The following BRCA1 variants were observed in gnomAD, a reference collection of about 807,000 sequenced individuals.
BRCA1 encodes breast cancer type 1 susceptibility protein.
In BRCA1, 140 loss-of-function variants were observed where a neutral mutation model predicts 173.7. The ratio of observed to expected loss-of-function variants is 0.81; its 90% CI spans 0.70 to 0.93. The LOEUF (loss-of-function observed/expected upper bound fraction) is 0.93. Ranked by LOEUF, BRCA1 falls within the 40% of genes least tolerant of loss-of-function variation. The pLI is 0.00. For synonymous variants in BRCA1, 662 were observed against 756.0 expected (o/e 0.88, Z 2.04); for missense variants, 1,983 against 2,172.5 (o/e 0.91, Z 1.73).
In BRCA1 at chr17:43,052,809, ACACACACACACACACT is replaced by A. The variant is rs774753108; in HGVS notation, c.5278-1708_5278-1693del. ...CACACACACACACACACACACACACACACACACACACACACTCTCTTACTTTACCGCCAGAGTGAAA... is the reference window on the plus strand; with the variant it reads ...CACACACACACACACACACACACACACTCTTACTTTACCGCCAGAGTGAAA... On this transcript the variant is annotated intron_variant, in intron 19 of 22. Coordinates refer to ENST00000357654, the MANE Select transcript of BRCA1 (RefSeq NM_007294.4). 8.5e-4 allele frequency among the ~76,000 whole-genome samples: 103 copies of A among 121,568 alleles called. 1 individual carries two copies. The highest frequency in any genetic ancestry group is 1.1e-3 in the Non-Finnish European group (59 of 55,458). The allele number at this position is 121,568 out of a possible 152,430, so 79.8% of individuals were successfully genotyped here. A position where few individuals can be genotyped will look rare whatever the true frequency, so the allele number is the denominator to read the frequency against.
rs2050891633 is a variant in BRCA1 at position 43,045,811 on chromosome 17, A to C, written c.5468-9T>G. 1 of 1,614,154 alleles carries C rather than the reference A, an allele frequency of 6.2e-7. No homozygotes were observed. The highest frequency in any genetic ancestry group is 1.1e-5 in the South Asian group (1 of 91,084). On this transcript the variant is annotated splice_polypyrimidine_tract_variant and intron_variant, in intron 22 of 22. Transcript: ENST00000357654. Reference sequence around the variant, plus strand: ...ACACATCTGCCCAATTGCTGGAGACAGAGAACACAAGCAGAGATTAGTGTC... The same window carrying C: ...ACACATCTGCCCAATTGCTGGAGACCGAGAACACAAGCAGAGATTAGTGTC...
chr17:43,094,763 C>T lies in BRCA1; in HGVS notation c.768G>A (p.Arg256=), dbSNP rs746067447. Residue 256 remains arginine (R), a synonymous_variant, in exon 10 of 23, where the codon AGG becomes AGA. Coordinates refer to ENST00000357654, the MANE Select transcript of BRCA1 (RefSeq NM_007294.4). ...AACTACCCTGATACTTTTCTGGATG[C>T]CTCTCAGCTGCACGCTTCTCAGTGG... is the stretch of plus-strand genomic sequence containing the variant. ...LNTTEKRAAE[R]HPEKYQGSSV... The T allele has an allele frequency of 1.2e-5, 19 of 1,610,992 alleles. No homozygotes were observed. The Admixed American group carries it at 3.2e-4, about 27-fold the overall frequency.
intron 1 of BRCA1, among the ~76,000 whole-genome samples, chr17:43,156,150 T>C (rs983907226): frequency 2.0e-5 from 3 of 151,852 alleles, no homozygotes; most frequent in Non-Finnish European, 2.9e-5. Context: ...GGCAGGAGAA[T>C]TGCTTGAACC....
chr17:43,058,397 C>T (rs1348354602), intron 18 of BRCA1, among the ~76,000 whole-genome samples: 2 of 151,674 alleles, frequency 1.3e-5, no homozygotes, highest in Non-Finnish European at 2.9e-5. Context: ...CACACACACA[C>T]ATAAAACAAA....
At chr17:43,127,229 A>G (rs1415613648), upstream of BRCA1, among the ~76,000 whole-genome samples, 1 of 152,232 alleles carries the variant, frequency 6.6e-6, no homozygotes, top group African/African-American at 2.4e-5. Flanking sequence ...AGCCCTGCGC[A>G]GGATCCACTA....
At chr17:43,155,755 G>A (rs4340367) in intron 1 of BRCA1, among the ~76,000 whole-genome samples, 48,037 of 151,830 alleles carry the variant, frequency 0.32, 7,928 homozygotes, top group South Asian at 0.49. Flanking sequence ...GGCTGTTCTT[G>A]AAGTCCTGAC....
rs1018223248 is a variant in BRCA1, at chr17:43,115,579, C to T, written c.134+147G>A. The T allele has an allele frequency of 4.1e-6, 3 of 733,272 alleles. No homozygotes were observed. In the Admixed American group the frequency reaches 7.6e-5, roughly 19 times the overall value. 45.4% of individuals were successfully genotyped at this position (733,272 alleles called of 1,614,324 possible). The stretch of plus-strand genomic sequence containing the variant: ...ACAACCAACTTTTGATAACTATATA[C>T]TCTCTGAGAAAGAATGAAATGGAGT... On this transcript the variant is annotated intron_variant, in intron 3 of 22. Coordinates refer to ENST00000357654, the MANE Select transcript of BRCA1 (RefSeq NM_007294.4).
chr17:43,140,786 G>A (rs2056069806), intron 1 of BRCA1, among the ~76,000 whole-genome samples: 2 of 152,076 alleles, frequency 1.3e-5, no homozygotes, highest in African/African-American at 4.8e-5. Context: ...CTCTTTCCCA[G>A]CGCCAGGCAC....
rs56310439 is a variant in BRCA1 at position 43,094,814 on chromosome 17, A to G, written c.717T>C (p.His239=). Residue 239 remains histidine, a synonymous_variant, in exon 10 of 23, where the codon CAT becomes CAC. Transcript: ENST00000357654. ...SETDVTNTEH[H]QPSNNDLNTT... is the part of the protein sequence containing the mutation. Reference sequence around the variant, plus strand: ...TGTTCAAATCATTATTACTGGGTTGATGATGTTCAGTATTTGTTACATCCG... The same window carrying G: ...TGTTCAAATCATTATTACTGGGTTGGTGATGTTCAGTATTTGTTACATCCG... The G allele has an allele frequency of 1.2e-6, 2 of 1,613,746 alleles. No homozygotes were observed. The highest frequency in any genetic ancestry group is 1.7e-6 in the Non-Finnish European group (2 of 1,179,906).
Position 43,099,865 on chromosome 17 carries a change from T to C in BRCA1, c.457A>G (p.Ser153Gly), listed in dbSNP as rs28897674. 4 of 1,612,838 alleles carry C rather than the reference T, an allele frequency of 2.5e-6. No individual in the cohort carries two copies. The highest frequency in any genetic ancestry group is 1.7e-4 in the Middle Eastern group (1 of 6,060). The change falls in exon 7 of 23, where the codon AGT becomes GGT. Residue 153 changes from serine to glycine, a missense_variant. Ser to Gly is a moderately conservative substitution (Grantham distance 56). Transcript: ENST00000357654. ...GTTCCAAGGTTAGAGAGTTGGACAC[T>C]GAGACTGGTTTCCTGCTAAACAGTA... is the stretch of plus-strand genomic sequence containing the variant. ...ENPSLQETSL[S>G]VQLSNLGTVR...
chr17:43,099,478 C>G lies in BRCA1; in HGVS notation c.547+297G>C, dbSNP rs8176141. 0.3 allele frequency among the ~76,000 whole-genome samples: 45,493 copies of G among 150,350 alleles called. 7,385 individuals carry two copies. Among genetic ancestry groups the G allele is most frequent in the South Asian group, 0.49 (2,348 of 4,750 alleles). ...TACAGACAGAGTTTCTCCATGTTGG[C>G]TAGGCTGGTCTCGAACTCCCGACCT... On this transcript the variant is annotated intron_variant, in intron 7 of 22. Transcript: ENST00000357654.
In BRCA1 at chr17:43,049,170, A is replaced by T. The variant is rs398122697; in HGVS notation, c.5357T>A (p.Leu1786Gln). The T allele has an allele frequency of 6.2e-7, 1 of 1,614,166 alleles. No homozygotes were observed. The change falls in exon 21 of 23, where the codon CTG becomes CAG. Residue 1786 changes from leucine to glutamine, a missense_variant. Physicochemically the swap from Leu to Gln is moderately radical, Grantham distance 113 (BLOSUM62 -2). Transcript: ENST00000357654. The part of the protein sequence containing the change: ...PTDQLEWMVQ[L>Q]CGASVVKELS... ...CTCCTTCACCACAGAAGCACCACACAGCTGTACCATCCATTCCAGTTGATC... is the reference window on the plus strand; with the variant it reads ...CTCCTTCACCACAGAAGCACCACACTGCTGTACCATCCATTCCAGTTGATC...
chr17:43,112,683 T>C (rs1484547337), intron 3 of BRCA1: 1 of 146,280 alleles, frequency 6.8e-6, no homozygotes, highest in Non-Finnish European at 1.5e-5. Context: ...TACACACACA[T>C]ATATCTTTAT....
rs2050984571 is a variant in BRCA1 at position 43,047,670 on chromosome 17, C to T, written c.5440G>A (p.Ala1814Thr). Residue 1814 changes from alanine to threonine, a missense_variant, in exon 22 of 23, where the codon GCC (alanine) becomes ACC (threonine). Ala to Thr is a moderately conservative substitution (Grantham distance 58, BLOSUM62 0). Coordinates refer to ENST00000357654, the MANE Select transcript of BRCA1 (RefSeq NM_007294.4). ...TGGAAGCCATTGTCCTCTGTCCAGGCATCTGGCTGCACAACCACAATTGGG... is the reference window on the plus strand; with the variant it reads ...TGGAAGCCATTGTCCTCTGTCCAGGTATCTGGCTGCACAACCACAATTGGG... ...VHPIVVVQPD[A>T]WTEDNGFHAI... 6.2e-7 allele frequency: 1 copy of T among 1,614,216 alleles called. No individual in the cohort carries two copies. Among genetic ancestry groups the T allele is most frequent in the Non-Finnish European group, 8.5e-7 (1 of 1,180,040 alleles).
intron 7 of BRCA1, among the ~76,000 whole-genome samples, chr17:43,098,806 C>T (rs2054245090): frequency 6.6e-6 from 1 of 151,622 alleles, no homozygotes; most frequent in Non-Finnish European, 1.5e-5. Context: ...TCCTGCCCAG[C>T]CAAGATTCAG....
At chr17:43,104,036 C>T (rs1284716195) in intron 6 of BRCA1, 86 bp downstream of exon 6, 3 of 1,498,974 alleles carry the variant, frequency 2.0e-6, no homozygotes, top group African/African-American at 2.9e-5. Flanking sequence ...CTAGCCTGGG[C>T]CACAGAGCAA....
At chr17:43,116,075 G>A (rs1443565650) in intron 2 of BRCA1, among the ~76,000 whole-genome samples, 1 of 152,052 alleles carries the variant, frequency 6.6e-6, no homozygotes, top group Non-Finnish European at 1.5e-5. Flanking sequence ...TAGTTCGTAC[G>A]AATTCATTTC....
chr17:43,132,094 C>CA (rs1567827410), intron 1 of BRCA1, among the ~76,000 whole-genome samples: 2 of 152,138 alleles, frequency 1.3e-5, no homozygotes. Context: ...AGGATATCAT[C>CA]ATATTTAATC....
chr17:43,137,124 C>A lies in BRCA1; in HGVS notation c.-19-13009G>T, dbSNP rs576596749. On this transcript the variant is annotated intron_variant, in intron 1 of 7. Coordinates refer to the BRCA1 transcript ENST00000634433. Reference sequence around the variant, plus strand: ...TCCTAAAAAATGATGAGTTCATGTCCTTTGTAGGGACATGGATGAAGCTGG... The same window carrying A: ...TCCTAAAAAATGATGAGTTCATGTCATTTGTAGGGACATGGATGAAGCTGG... Among the ~76,000 whole-genome samples the A allele has an allele frequency of 2.4e-3, 367 of 152,032 alleles. 1 individual carries two copies. The highest frequency in any genetic ancestry group is 8.6e-3 in the African/African-American group (357 of 41,432).
Sources: allele counts gnomAD v4.1 joint callset (sites outside exome capture counted in the v4.1 genomes callset), GRCh38; gene constraint gnomAD v4.1.1; transcripts MANE v1.5; gene names NCBI Gene and HGNC (gene_info 2026-07-23, HGNC 2026-07-21).